XRRA1: variants seen among roughly 807,000 people sequenced by gnomAD.
The protein encoded by XRRA1 is X-ray radiation resistance-associated protein 1.
Under a neutral mutation model 80.2 loss-of-function variants are expected in XRRA1, and 69 were observed. The observed-to-expected ratio is 0.86, with a 90% CI of 0.71 to 1.05. XRRA1 has a LOEUF of 1.05. Ranked by LOEUF, XRRA1 falls within the 50% of genes least tolerant of loss-of-function variation. XRRA1 has a pLI of 0.00. For synonymous variants in XRRA1, 348 were observed against 389.9 expected (o/e 0.89, Z 1.27); for missense variants, 967 against 976.4 (o/e 0.99, Z 0.13).
At chr11:74,894,642 C>A (rs1211758630) in intron 10 of XRRA1, among the ~76,000 whole-genome samples, 1 of 152,138 alleles carries the variant, frequency 6.6e-6, no homozygotes, top group Admixed American at 6.5e-5. Context: ...ATCATGAGAA[C>A]AACATGGGGA....
chr11:74,939,050 T>C (rs1437918695), intron 3 of XRRA1, among the ~76,000 whole-genome samples: 1 of 152,222 alleles, frequency 6.6e-6, no homozygotes, highest in Admixed American at 6.5e-5. Context: ...CTAGTTGGAA[T>C]TCTACTATAA....
chr11:74,842,752 T>C lies in XRRA1; in HGVS notation c.*448A>G, dbSNP rs1425896341. On this transcript the variant is annotated 3_prime_UTR_variant, in exon 19 of 19. Transcript: ENST00000684022. ...TACAGGATGACACTGTCCCTGCACA[T>C]TAGGGCTGTACTCACAAGATCTGGT... 5.9e-6 allele frequency: 1 copy of C among 170,896 alleles called. No individual in the cohort carries two copies. The highest frequency in any genetic ancestry group is 1.3e-5 in the Non-Finnish European group (1 of 79,192). The allele number at this position is 170,896 out of a possible 1,614,324, so 10.6% of individuals were successfully genotyped here.
At chr11:74,873,288 G>A (rs1487805031) in intron 10 of XRRA1, among the ~76,000 whole-genome samples, 1 of 152,128 alleles carries the variant, frequency 6.6e-6, no homozygotes, top group East Asian at 1.9e-4. Context: ...TATTAGGAGT[G>A]CAAAAACCCA....
rs1257963007 is a variant in XRRA1 at position 74,881,365 on chromosome 11, A to G, written c.1004-18344T>C. 7.9e-5 allele frequency among the ~76,000 whole-genome samples: 12 copies of G among 151,052 alleles called. No individual in the cohort carries two copies. In the South Asian group the frequency reaches 1.7e-3, roughly 21 times the overall value. On this transcript the variant is annotated intron_variant, in intron 10 of 18. Transcript: ENST00000684022. ...TTTGAGCCTATGTGCGTCTCTGCAC[A>G]TGAGATGGGTTTCCTGAATACAGCA...
intron 10 of XRRA1, among the ~76,000 whole-genome samples, chr11:74,882,830 A>G (rs1181903259): frequency 1.3e-5 from 2 of 152,158 alleles, no homozygotes; most frequent in Non-Finnish European, 2.9e-5. Flanking sequence ...CTTGGGGGTC[A>G]GGGGTCAGGG....
chr11:74,879,517 G>A (rs1028697661), intron 10 of XRRA1, among the ~76,000 whole-genome samples: 4 of 151,884 alleles, frequency 2.6e-5, no homozygotes, highest in African/African-American at 9.7e-5. Flanking sequence ...TAGGAGTGGT[G>A]AGAGAGGGCA....
intron 12 of XRRA1, among the ~76,000 whole-genome samples, chr11:74,853,967 C>G (rs993046108): frequency 7.2e-5 from 11 of 151,730 alleles, no homozygotes; most frequent in Non-Finnish European, 1.5e-4. Flanking sequence ...TTTGACAAGA[C>G]TTGGTGATGA....
At chr11:74,873,879 C>A (rs924470592) in intron 10 of XRRA1, among the ~76,000 whole-genome samples, 6 of 151,986 alleles carry the variant, frequency 3.9e-5, no homozygotes, top group Admixed American at 6.6e-5. Context: ...GATTTGGGGG[C>A]ATTACAGGAT....
chr11:74,898,994 A>G (rs1287011555), intron 10 of XRRA1, among the ~76,000 whole-genome samples: 1 of 152,190 alleles, frequency 6.6e-6, no homozygotes, highest in Non-Finnish European at 1.5e-5. Context: ...TCAAGTATAG[A>G]CCATATGTTA....
intron 10 of XRRA1, among the ~76,000 whole-genome samples, chr11:74,887,089 GT>G (rs1293890455): frequency 6.6e-6 from 1 of 152,286 alleles, no homozygotes; most frequent in East Asian, 1.9e-4. Flanking sequence ...AGACTTAAAT[GT>G]AAAACCTAAA....
rs868114584 is a variant in XRRA1 at position 74,841,030 on chromosome 11, G to A, written c.*2170C>T. The stretch of plus-strand genomic sequence containing the variant: ...TAGCCCCTGAATACATGCTCAGGTA[G>A]AGAAAGTCTCCATAGTATAAGTAAG... On this transcript the variant is annotated 3_prime_UTR_variant, in exon 19 of 19. Transcript: ENST00000684022. The A allele has an allele frequency of 6.6e-6, 1 of 152,080 alleles. No homozygotes were observed. The highest frequency in any genetic ancestry group is 6.5e-5 in the Admixed American group (1 of 15,272). The allele number at this position is 152,080 out of a possible 1,614,324, so 9.4% of individuals were successfully genotyped here. A position where few individuals can be genotyped will look rare whatever the true frequency, so the allele number is the denominator to read the frequency against.
intron 8 of XRRA1, among the ~76,000 whole-genome samples, chr11:74,909,492 T>C (rs1390504299): frequency 1.3e-5 from 2 of 152,190 alleles, no homozygotes; most frequent in East Asian, 3.8e-4. Flanking sequence ...CTCTGTCTCG[T>C]CTCTTGTGAC....
At chr11:74,918,113 T>G (rs567643899) in intron 8 of XRRA1, among the ~76,000 whole-genome samples, 2 of 151,976 alleles carry the variant, frequency 1.3e-5, no homozygotes, top group Non-Finnish European at 2.9e-5. Flanking sequence ...CCTTCAGAAG[T>G]GAAGGTTCAG....
chr11:74,852,599 G>A (rs867739986), intron 12 of XRRA1, among the ~76,000 whole-genome samples: 1 of 152,192 alleles, frequency 6.6e-6, no homozygotes, highest in Non-Finnish European at 1.5e-5. Context: ...AGGGGGAAAG[G>A]AGGACCCACA....
In XRRA1 at chr11:74,848,481, A is replaced by G; in HGVS notation, c.1381-19T>C. 2 of 1,580,016 alleles carry G rather than the reference A, an allele frequency of 1.3e-6. No individual in the cohort carries two copies. The highest frequency in any genetic ancestry group is 1.7e-6 in the Non-Finnish European group (2 of 1,160,850). Reference sequence around the variant, plus strand: ...TTTTCACCTGTCATGGAGAAGGGCCAGAATGAATTTGCTTCCTAATTAGGA... The same window carrying G: ...TTTTCACCTGTCATGGAGAAGGGCCGGAATGAATTTGCTTCCTAATTAGGA... On this transcript the variant is annotated intron_variant, in intron 14 of 18. Transcript: ENST00000684022.
rs1009298874 is a variant in XRRA1 at position 74,842,968 on chromosome 11, T to C, written c.*232A>G. On this transcript the variant is annotated 3_prime_UTR_variant, in exon 19 of 19. Transcript: ENST00000684022. ...AAGAATGCATGTGGCACCCAGTCTA[T>C]TGCCCTGTGCACCCACTCTTTATTG... 9 of 558,180 alleles carry C rather than the reference T, an allele frequency of 1.6e-5. No individual in the cohort carries two copies. Among genetic ancestry groups the C allele is most frequent in the Non-Finnish European group, 2.8e-5 (9 of 317,126 alleles). 34.6% of individuals were successfully genotyped at this position (558,180 alleles called of 1,614,324 possible).
intron 10 of XRRA1, among the ~76,000 whole-genome samples, chr11:74,896,848 G>A (rs1213672636): frequency 2.0e-5 from 3 of 152,192 alleles, no homozygotes; most frequent in Non-Finnish European, 4.4e-5. Flanking sequence ...GTACAAGTTT[G>A]CAAAAATCAC....
At chr11:74,943,913 C>CAGAGTACTTACT (rs1946952747) in intron 2 of XRRA1, among the ~76,000 whole-genome samples, 1 of 152,036 alleles carries the variant, frequency 6.6e-6, no homozygotes, top group African/African-American at 2.4e-5. Flanking sequence ...CCTCAACCTC[C>CAGAGTACTTACT]TGGGCTCAAA....
Position 74,906,827 on chromosome 11 carries a change from A to T in XRRA1, c.785+318T>A, listed in dbSNP as rs1488898868. The T allele has an allele frequency of 9.5e-5, 37 of 390,876 alleles. No homozygotes were observed. The East Asian group carries it at 1.7e-3, about 18-fold the overall frequency. 24.2% of individuals were successfully genotyped at this position (390,876 alleles called of 1,614,324 possible). ...TTCAGGAATTAAATTTCTCTTTCTG[A>T]TTCTCAATATTTTAAAAAATTTTCC... On this transcript the variant is annotated intron_variant, in intron 9 of 18. Coordinates refer to ENST00000684022, the MANE Select transcript of XRRA1 (RefSeq NM_001378157.1).
Sources: allele counts gnomAD v4.1 joint callset (sites outside exome capture counted in the v4.1 genomes callset), GRCh38; gene constraint gnomAD v4.1.1; transcripts MANE v1.5; gene names NCBI Gene and HGNC (gene_info 2026-07-23, HGNC 2026-07-21).